Variants in PSG4 observed in about 807,000 individuals in gnomAD.
PSG4 encodes the protein pregnancy-specific beta-1-glycoprotein 4.
A neutral mutation model predicts 44.3 loss-of-function variants in PSG4; 61 were observed. The observed-to-expected ratio is 1.38, with a 90% CI of 1.12 to 1.70. The LOEUF (loss-of-function observed/expected upper bound fraction) is 1.70, where lower values mean the gene tolerates loss of function less well. Among genes scored for constraint, PSG4 ranks in the 40% most tolerant of loss-of-function variants. The pLI is 0.00. For synonymous variants in PSG4, 248 were observed against 191.3 expected, an observed-to-expected ratio of 1.30 and a Z score of -2.45; for missense variants, 677 against 511.7, an observed-to-expected ratio of 1.32 and a Z score of -3.12.
chr19:43,200,441 CT>C (rs1192012455), intron 2 of PSG4, among the ~76,000 whole-genome samples: 7 of 145,070 alleles, frequency 4.8e-5, no homozygotes, highest in African/African-American at 7.9e-5. Flanking sequence ...TGTTGTTCCA[CT>C]TTTTTTTCCC....
At chr19:43,199,911 G>A (rs1305764584) in intron 2 of PSG4, among the ~76,000 whole-genome samples, 2 of 145,092 alleles carry the variant, frequency 1.4e-5, no homozygotes, top group African/African-American at 2.6e-5. Context: ...GAAATTAGCA[G>A]CTCCTTAAGT....
Position 43,194,956 on chromosome 19 carries a change from G to A in PSG4, c.988+39C>T, listed in dbSNP as rs1452919323. 1.2e-6 allele frequency: 2 copies of A among 1,602,746 alleles called. 1 individual carries two copies. Among genetic ancestry groups the A allele is most frequent in the African/African-American group, 2.7e-5 (2 of 74,410 alleles). ...CTGGCCTCTGGTGGTTTGGATTTAA[G>A]CTGGTGTCCTGGCCCACAGAGGAAC... On this transcript the variant is annotated intron_variant, in intron 4 of 5. Coordinates refer to ENST00000405312, the MANE Select transcript of PSG4 (RefSeq NM_002780.5).
In PSG4 at chr19:43,194,044, T is replaced by A. The variant is rs1967119914; in HGVS notation, c.1243+296A>T. 2.7e-6 allele frequency: 3 copies of A among 1,094,968 alleles called. No homozygotes were observed. In the East Asian group the frequency reaches 7.7e-5, roughly 28 times the overall value. The allele number at this position is 1,094,968 out of a possible 1,614,324, so 67.8% of individuals were successfully genotyped here. A position where few individuals can be genotyped will look rare whatever the true frequency, so the allele number is the denominator to read the frequency against. On this transcript the variant is annotated intron_variant, in intron 5 of 5. Coordinates refer to ENST00000405312, the MANE Select transcript of PSG4 (RefSeq NM_002780.5). ...TCTAGAAAACAAACCATTTAAAGAA[T>A]CAGCAAATTTTCAAATAAAAATCAT...
rs535877585 is a variant in PSG4 at position 43,205,548 on chromosome 19, C to G, written c.-12G>C. ...GAGAGGGGCCCCATGGTCTCTGCTG[C>G]TTGTGTGTTCTCCTCTGTGGAGATA... On this transcript the variant is annotated 5_prime_UTR_variant, in exon 1 of 6. Transcript: ENST00000405312. 3 of 1,544,150 alleles carry G rather than the reference C, an allele frequency of 1.9e-6. No homozygotes were observed. The South Asian group carries it at 3.4e-5, about 17-fold the overall frequency.
chr19:43,195,739 T>C (rs529460214), intron 3 of PSG4, among the ~76,000 whole-genome samples: 3 of 151,136 alleles, frequency 2.0e-5, no homozygotes, highest in African/African-American at 7.3e-5. Flanking sequence ...CCCATTGTCC[T>C]GAAACCCTGA....
intron 3 of PSG4, among the ~76,000 whole-genome samples, chr19:43,197,225 C>G (rs1380852920): frequency 6.9e-6 from 1 of 145,136 alleles, no homozygotes; most frequent in East Asian, 2.4e-4. Context: ...GAAACATATT[C>G]CCTGTGCTGG....
Position 43,205,520 on chromosome 19 carries a change from G to A in PSG4, c.17C>T (p.Ala6Val). The A allele has an allele frequency of 3.2e-6, 5 of 1,555,354 alleles. No homozygotes were observed. Among genetic ancestry groups the A allele is most frequent in the Non-Finnish European group, 4.3e-6 (5 of 1,150,244 alleles). The change falls in exon 1 of 6, where the codon GCC (alanine) becomes GTC (valine). Residue 6 changes from alanine to valine, a missense_variant. Coordinates refer to ENST00000405312, the MANE Select transcript of PSG4 (RefSeq NM_002780.5). ...GGTGATGCGCTGTGTGCAGGGAGGG[G>A]CTGAGAGGGGCCCCATGGTCTCTGC... MGPLS[A>V]PPCTQRITWK...
In PSG4 at chr19:43,198,086, A is replaced by G. The variant is rs758168710; in HGVS notation, c.620T>C (p.Val207Ala). Residue 207 changes from valine to alanine, a missense_variant, in exon 3 of 6, where the codon GTC becomes GCC. Transcript: ENST00000405312. ...KTNRTLFIFG[V>A]TKYIAGPYEC... ...ATAGGGTCCTGCAATATACTTTGTG[A>G]CACCAAATATAAAGAGGGTCCTGTT... 3 of 1,587,712 alleles carry G rather than the reference A, an allele frequency of 1.9e-6. No individual in the cohort carries two copies. Among genetic ancestry groups the G allele is most frequent in the South Asian group, 1.1e-5 (1 of 89,924 alleles).
intron 2 of PSG4, 108 bp downstream of exon 2, chr19:43,203,778 T>G: frequency 6.6e-7 from 1 of 1,512,036 alleles, no homozygotes; most frequent in Non-Finnish European, 8.9e-7. Flanking sequence ...AGCATGGGAC[T>G]TAATGCAGAG....
chr19:43,194,732 G>A (rs890736316), intron 4 of PSG4, 138 bp from the exon 5 acceptor site: 26 of 1,455,442 alleles, frequency 1.8e-5, no homozygotes, highest in Middle Eastern at 2.5e-4. Flanking sequence ...TGTTCACTGA[G>A]CCGAAGCCTG....
rs780192311 is a variant in PSG4, at chr19:43,204,045, A to G, written c.271T>C (p.Tyr91His). The G allele has an allele frequency of 2.5e-6, 4 of 1,587,118 alleles. No homozygotes were observed. Among genetic ancestry groups the G allele is most frequent in the Non-Finnish European group, 3.4e-6 (4 of 1,171,256 alleles). The change falls in exon 2 of 6, where the codon TAT (tyrosine) becomes CAT (histidine). Residue 91 changes from tyrosine to histidine, a missense_variant. Coordinates refer to ENST00000405312, the MANE Select transcript of PSG4 (RefSeq NM_002780.5). ...SYVVDGQRIIYGPAYSGRERV... is the reference protein window; with the variant it reads ...SYVVDGQRIIHGPAYSGRERV... ...TCTCTTCCACTGTATGCAGGCCCAT[A>G]TATAATTCTTTGACCGTCTACTACA... is the stretch of plus-strand genomic sequence containing the variant.
At chr19:43,195,923 G>A (rs1290476514) in intron 3 of PSG4, among the ~76,000 whole-genome samples, 5 of 150,396 alleles carry the variant, frequency 3.3e-5, no homozygotes, top group Admixed American at 6.7e-5. Flanking sequence ...TAAAGATAGA[G>A]CAGAGTGCAA....
At position 43,204,696 on chromosome 19, in the gene PSG4, C is replaced by CCCCG; in HGVS notation, c.65-446_65-445insCGGG. ...TAGATCACTTAGCATGTCTGTCTTC[C>CCCCG]CCCCACGATGACTGTGTGAGCTCCG... On this transcript the variant is annotated intron_variant, in intron 1 of 5. Coordinates refer to ENST00000405312, the MANE Select transcript of PSG4 (RefSeq NM_002780.5). 2.3e-5 allele frequency: 4 copies of CCCCG among 171,808 alleles called. No individual in the cohort carries two copies. The South Asian group carries it at 2.7e-4, about 12-fold the overall frequency. 10.6% of individuals were successfully genotyped at this position (171,808 alleles called of 1,614,324 possible). A position where few individuals can be genotyped will look rare whatever the true frequency, so the allele number is the denominator to read the frequency against.
chr19:43,195,290 G>C lies in PSG4; in HGVS notation c.710-17C>G. ...ACAGCTTTGCTGTGTGGATAACAGA[G>C]AGAAGATTGTCCTGTGTGGCACCTT... On this transcript the variant is annotated splice_polypyrimidine_tract_variant and intron_variant, in intron 3 of 5. Transcript: ENST00000405312. 1 of 1,608,556 alleles carries C rather than the reference G, an allele frequency of 6.2e-7. No homozygotes were observed. Among genetic ancestry groups the C allele is most frequent in the South Asian group, 1.1e-5 (1 of 90,850 alleles).
chr19:43,203,792 G>T lies in PSG4; in HGVS notation c.430+94C>A, dbSNP rs1047733289. On this transcript the variant is annotated intron_variant, in intron 2 of 5. Coordinates refer to ENST00000405312, the MANE Select transcript of PSG4 (RefSeq NM_002780.5). ...CAGCATGGGACTTAATGCAGAGAGG[G>T]ACACAGGCAGAGTCCAGGCCTGAGA... is the stretch of plus-strand genomic sequence containing the variant. The T allele has an allele frequency of 2.0e-5, 31 of 1,533,902 alleles. 5 individuals are homozygous for T. In the African/African-American group the frequency reaches 4.4e-4, roughly 22 times the overall value.
chr19:43,194,304 A>C (rs1967130722), intron 5 of PSG4, 36 bp downstream of exon 5: 1 of 1,611,878 alleles, frequency 6.2e-7, no homozygotes. Context: ...GACTCCACCT[A>C]AATCCCTATT....
rs957102718 is a variant in PSG4 at position 43,195,490 on chromosome 19, A to G, written c.710-217T>C. Among the ~76,000 whole-genome samples the G allele has an allele frequency of 1.3e-4, 20 of 151,442 alleles. 1 individual carries two copies. Among genetic ancestry groups the G allele is most frequent in the African/African-American group, 4.6e-4 (19 of 41,084 alleles). On this transcript the variant is annotated intron_variant, in intron 3 of 5. Transcript: ENST00000405312. ...TTTTAGGGAGGCACAGACTTTCTCA[A>G]GTGTCAATTGAGCAGCAGTGTTGGG...
intron 2 of PSG4, chr19:43,198,938 C>G (rs1197007381): frequency 6.8e-6 from 1 of 147,434 alleles, no homozygotes; most frequent in Non-Finnish European, 1.5e-5. Context: ...AAGGAATGAC[C>G]TACAAAGAGT....
At chr19:43,197,566 G>A (rs1336951885) in intron 3 of PSG4, among the ~76,000 whole-genome samples, 1 of 137,944 alleles carries the variant, frequency 7.2e-6, no homozygotes, top group Non-Finnish European at 1.5e-5. Flanking sequence ...ATAGGTGTAT[G>A]AGGAAGAAAT....
Sources: gnomAD v4.1 joint callset for allele counts (sites outside exome capture counted in the v4.1 genomes callset) on GRCh38, gnomAD v4.1.1 for gene constraint, MANE v1.5 for transcripts, NCBI Gene and HGNC (gene_info 2026-07-23, HGNC 2026-07-21) for gene names.